The following LRFN2 variants were observed in gnomAD, a reference collection of about 807,000 sequenced individuals.
LRFN2 encodes leucine rich repeat and fibronectin type III domain containing 2.
In LRFN2, 18 loss-of-function variants were observed where a neutral mutation model predicts 37.3. That is an observed-to-expected ratio of 0.48 (90% CI 0.33 to 0.72). The LOEUF is 0.72. Among genes scored for constraint, LRFN2 ranks in the 30% least tolerant of loss-of-function variants. The pLI, the probability that LRFN2 is intolerant of heterozygous loss-of-function variation, is 0.02. For synonymous variants in LRFN2, 556 were observed against 466.6 expected, an observed-to-expected ratio of 1.19 and a Z score of -2.47; for missense variants, 1,006 against 1,060.7, an observed-to-expected ratio of 0.95 and a Z score of 0.72.
Position 40,391,652 on chromosome 6 carries a change from GC to G in LRFN2, c.*290del. On this transcript the variant is annotated 3_prime_UTR_variant, in exon 3 of 3. Transcript: ENST00000338305. ...CTAGACCCATAAGCAATCCAAAGCC[GC>G]TTGCTTGTAGGCTACATTTGTGATT... 3.1e-6 allele frequency: 1 copy of G among 323,736 alleles called. No homozygotes were observed. The highest frequency in any genetic ancestry group is 5.6e-6 in the Non-Finnish European group (1 of 178,560). 20.1% of individuals were successfully genotyped at this position (323,736 alleles called of 1,614,324 possible).
intron 2 of LRFN2, among the ~76,000 whole-genome samples, chr6:40,395,220 G>C (rs989691253): frequency 5.9e-5 from 9 of 152,168 alleles, no homozygotes; most frequent in Non-Finnish European, 1.2e-4. Flanking sequence ...AAATGGCTGA[G>C]ACTCAGAGAG....
At chr6:40,478,751 T>G (rs1764762011) in intron 1 of LRFN2, among the ~76,000 whole-genome samples, 1 of 152,202 alleles carries the variant, frequency 6.6e-6, no homozygotes, top group Admixed American at 6.5e-5. Flanking sequence ...AATATGTGCA[T>G]GTGTGTATGT....
chr6:40,392,464 G>A lies in LRFN2; in HGVS notation c.1849C>T (p.Arg617Cys), dbSNP rs775968133. 25 of 1,568,240 alleles carry A rather than the reference G, an allele frequency of 1.6e-5. No individual in the cohort carries two copies. Among genetic ancestry groups the A allele is most frequent in the Admixed American group, 9.4e-5 (5 of 53,256 alleles). Reference sequence around the variant, plus strand: ...CTGGAGGAAGAGGAGTCACTGGCGCGGGCCAGGCTGGCGGTGAAGTCCAGG... The same window carrying A: ...CTGGAGGAAGAGGAGTCACTGGCGCAGGCCAGGCTGGCGGTGAAGTCCAGG... ...ELLDFTASLARASDSSSSSSL... is the reference protein window; with the variant it reads ...ELLDFTASLACASDSSSSSSL... The change falls in exon 3 of 3, where the codon CGC becomes TGC. Residue 617 changes from arginine (R) to cysteine (C), a missense_variant. Transcript: ENST00000338305. This position sits in a 1 kb window ranked among gnomAD's most constrained non-coding sequence, Gnocchi z 4.7.
chr6:40,514,496 G>A (rs1041408007), intron 1 of LRFN2, among the ~76,000 whole-genome samples: 2 of 151,856 alleles, frequency 1.3e-5, no homozygotes, highest in East Asian at 3.9e-4. Flanking sequence ...TGTATTTTTA[G>A]TAGAGACAGG....
At chr6:40,522,213 C>A (rs1006621728) in intron 1 of LRFN2, among the ~76,000 whole-genome samples, 1 of 152,080 alleles carries the variant, frequency 6.6e-6, no homozygotes, top group Non-Finnish European at 1.5e-5. Context: ...AATGTGGGAC[C>A]GAAGGCCTAC....
chr6:40,568,590 G>A (rs1034921544), intron 1 of LRFN2, among the ~76,000 whole-genome samples: 9 of 152,294 alleles, frequency 5.9e-5, no homozygotes, highest in Non-Finnish European at 1.2e-4. Context: ...GAAACACAGT[G>A]CTAAATTAAA....
In LRFN2 at chr6:40,392,464, G is replaced by C. The variant is rs775968133; in HGVS notation, c.1849C>G (p.Arg617Gly). The C allele has an allele frequency of 1.9e-6, 3 of 1,568,356 alleles. No individual in the cohort carries two copies. The highest frequency in any genetic ancestry group is 2.6e-6 in the Non-Finnish European group (3 of 1,156,922). ...CTGGAGGAAGAGGAGTCACTGGCGCGGGCCAGGCTGGCGGTGAAGTCCAGG... is the reference window on the plus strand; with the variant it reads ...CTGGAGGAAGAGGAGTCACTGGCGCCGGCCAGGCTGGCGGTGAAGTCCAGG... The part of the protein sequence containing the change: ...ELLDFTASLA[R>G]ASDSSSSSSL... The change falls in exon 3 of 3, where the codon CGC (arginine) becomes GGC (glycine). Residue 617 changes from arginine to glycine, a missense_variant. Arg to Gly is a moderately radical substitution (Grantham distance 125). Transcript: ENST00000338305. The surrounding 1 kb of genome is among the most constrained non-coding windows in gnomAD (Gnocchi z 4.7).
chr6:40,412,654 C>T (rs902984645), intron 2 of LRFN2, among the ~76,000 whole-genome samples: 9 of 152,180 alleles, frequency 5.9e-5, no homozygotes, highest in Non-Finnish European at 1.2e-4. Context: ...AAGTAATTTC[C>T]AGACTCATTC....
At chr6:40,504,379 G>A (rs1191622712) in intron 1 of LRFN2, among the ~76,000 whole-genome samples, 2 of 152,158 alleles carry the variant, frequency 1.3e-5, no homozygotes, top group African/African-American at 4.8e-5. Flanking sequence ...AAACATGAAA[G>A]GCTTAGCACA....
intron 1 of LRFN2, among the ~76,000 whole-genome samples, chr6:40,565,169 A>G (rs1006321042): frequency 7.2e-5 from 11 of 152,142 alleles, no homozygotes; most frequent in African/African-American, 2.7e-4. Context: ...CATTAATCCA[A>G]CTTACAAGGG....
intron 1 of LRFN2, among the ~76,000 whole-genome samples, chr6:40,555,139 C>T (rs1291838276): frequency 6.6e-6 from 1 of 152,176 alleles, no homozygotes; most frequent in African/African-American, 2.4e-5. Context: ...TAAAAGCGCT[C>T]TGCTGGGGGC....
chr6:40,543,610 C>T (rs1030004143), intron 1 of LRFN2, among the ~76,000 whole-genome samples: 7 of 152,102 alleles, frequency 4.6e-5, no homozygotes, highest in Admixed American at 1.3e-4. Context: ...TTTTTCAGCT[C>T]GAAGCCTAGC....
chr6:40,441,449 G>A (rs1763833402), intron 1 of LRFN2, among the ~76,000 whole-genome samples: 1 of 152,214 alleles, frequency 6.6e-6, no homozygotes, highest in Admixed American at 6.5e-5. Context: ...ATGGAGGGCT[G>A]TGTGGGTAAA....
At chr6:40,533,066 T>G (rs888596194) in intron 1 of LRFN2, among the ~76,000 whole-genome samples, 1 of 152,168 alleles carries the variant, frequency 6.6e-6, no homozygotes, top group Non-Finnish European at 1.5e-5. Flanking sequence ...CAGGGCTTCT[T>G]GGGGTGTCTT....
intron 1 of LRFN2, among the ~76,000 whole-genome samples, chr6:40,578,659 C>G (rs914040203): frequency 1.8e-4 from 28 of 152,104 alleles, no homozygotes; most frequent in Non-Finnish European, 3.7e-4. Flanking sequence ...TAGAAAAATA[C>G]CACTATTTCT....
In LRFN2 at chr6:40,444,678, C is replaced by A. The variant is rs147979183; in HGVS notation, c.-18-11547G>T. 2.0e-5 allele frequency among the ~76,000 whole-genome samples: 3 copies of A among 152,226 alleles called. No homozygotes were observed. In the East Asian group the frequency reaches 5.8e-4, roughly 29 times the overall value. On this transcript the variant is annotated intron_variant, in intron 1 of 2. Coordinates refer to ENST00000338305, the MANE Select transcript of LRFN2 (RefSeq NM_020737.3). ...GCCACTTCTCTTTGTGCCTCAGACTCCTCATCTGGGCAATTAAGCTGGGTG... is the reference window on the plus strand; with the variant it reads ...GCCACTTCTCTTTGTGCCTCAGACTACTCATCTGGGCAATTAAGCTGGGTG...
intron 1 of LRFN2, chr6:40,523,698 T>C (rs1024835437): frequency 1.3e-4 from 20 of 152,160 alleles, no homozygotes; most frequent in African/African-American, 4.8e-4. Context: ...TTGGCCCTGT[T>C]TACTCATGAA....
intron 1 of LRFN2, among the ~76,000 whole-genome samples, chr6:40,502,918 A>C (rs114612282): frequency 0.017 from 2,653 of 152,348 alleles, 24 homozygotes; most frequent in Non-Finnish European, 0.024. Flanking sequence ...AGAACCACAA[A>C]GGAGAAAAAT....
chr6:40,538,066 C>T (rs1394072802), intron 1 of LRFN2, among the ~76,000 whole-genome samples: 1 of 152,170 alleles, frequency 6.6e-6, no homozygotes, highest in Admixed American at 6.5e-5. Flanking sequence ...CCAACGCTCG[C>T]CTTGGAACGC....
Sources: gnomAD v4.1 joint callset for allele counts (sites outside exome capture counted in the v4.1 genomes callset) on GRCh38, gnomAD v4.1.1 for gene constraint, Gnocchi (gnomAD v3.1) non-coding constraint, MANE v1.5 for transcripts, NCBI Gene and HGNC (gene_info 2026-07-23, HGNC 2026-07-21) for gene names.